GPC5: variants seen among roughly 807,000 people sequenced by gnomAD.
GPC5 encodes the protein glypican 5.
A neutral mutation model predicts 53.9 loss-of-function variants in GPC5; 47 were observed. That is an observed-to-expected ratio of 0.87 (90% CI 0.69 to 1.11). The LOEUF is 1.11. Ranked by LOEUF, GPC5 falls within the 50% of genes most tolerant of loss-of-function variation. The pLI is 0.00. For missense variants in GPC5, 748 were observed against 713.1 expected, an observed-to-expected ratio of 1.05 and a Z score of -0.56; for synonymous variants, 286 against 263.3, an observed-to-expected ratio of 1.09 and a Z score of -0.84.
chr13:91,721,125 CTTTCTTTCTTT>C (rs2036461747), intron 3 of GPC5, among the ~76,000 whole-genome samples: 5 of 55,388 alleles, frequency 9.0e-5, no homozygotes, highest in Non-Finnish European at 1.6e-4. Flanking sequence ...TTCTTTCTTT[CTTTCTTTCTTT>C]CTTTTTTTGG....
intron 2 of GPC5, among the ~76,000 whole-genome samples, chr13:91,691,487 T>C (rs1189859097): frequency 2.6e-5 from 4 of 152,144 alleles, no homozygotes; most frequent in Admixed American, 2.6e-4. Context: ...CATTCTTTCA[T>C]ATTTTTATTG....
chr13:92,118,142 T>G (rs1310015845), intron 6 of GPC5, among the ~76,000 whole-genome samples: 1 of 152,182 alleles, frequency 6.6e-6, no homozygotes, highest in Non-Finnish European at 1.5e-5. Flanking sequence ...CCTTCTTTTC[T>G]AATTTTGCTG....
chr13:92,324,854 C>T (rs375439502), intron 7 of GPC5, among the ~76,000 whole-genome samples: 3 of 151,756 alleles, frequency 2.0e-5, no homozygotes, highest in Non-Finnish European at 4.4e-5. Context: ...AGATGGACTT[C>T]GACCAAGATC....
intron 7 of GPC5, among the ~76,000 whole-genome samples, chr13:92,383,311 A>C (rs903732947): frequency 6.6e-6 from 1 of 152,212 alleles, no homozygotes; most frequent in African/African-American, 2.4e-5. Context: ...TAAAATGATT[A>C]TAGTACTTGT....
At chr13:92,480,920 C>A (rs762678055) in intron 7 of GPC5, among the ~76,000 whole-genome samples, 2 of 152,158 alleles carry the variant, frequency 1.3e-5, no homozygotes, top group Non-Finnish European at 2.9e-5. Context: ...AAAGACTCAC[C>A]TAGCGATTGC....
rs117837461 is a variant in GPC5, at chr13:92,831,112, G to A, written c.1562-35170G>A. Reference sequence around the variant, plus strand: ...GATTTTGTGTTAGCAAATAACACTCGGAAATGATCCCAGTGAGAAAATTAT... The same window carrying A: ...GATTTTGTGTTAGCAAATAACACTCAGAAATGATCCCAGTGAGAAAATTAT... On this transcript the variant is annotated intron_variant, in intron 7 of 7. Transcript: ENST00000377067. Among the ~76,000 whole-genome samples, 27 of 152,116 alleles carry A rather than the reference G, an allele frequency of 1.8e-4. 1 individual carries two copies. In the East Asian group the frequency reaches 5.0e-3, roughly 28 times the overall value.
chr13:92,741,743 T>C lies in GPC5; in HGVS notation c.1562-124539T>C, dbSNP rs1889101350. On this transcript the variant is annotated intron_variant, in intron 7 of 7. Transcript: ENST00000377067. ...TAATGCTATCCCTCCCCTCTCCCCC[T>C]ACACCACAGCAGGCCCCGGTGTGTG... Among the ~76,000 whole-genome samples, 6 of 152,078 alleles carry C rather than the reference T, an allele frequency of 3.9e-5. No homozygotes were observed. The South Asian group carries it at 1.0e-3, about 26-fold the overall frequency.
chr13:91,882,693 A>G (rs114496337), intron 5 of GPC5, among the ~76,000 whole-genome samples: 6 of 17,166 alleles, frequency 3.5e-4, no homozygotes, highest in Non-Finnish European at 7.7e-4. Context: ...TTTTTTTCGT[A>G]ATTTCAGTCT....
intron 7 of GPC5, among the ~76,000 whole-genome samples, chr13:92,607,133 A>T (rs557459978): frequency 1.3e-5 from 2 of 152,296 alleles, no homozygotes; most frequent in African/African-American, 4.8e-5. Context: ...ATGTATCTGG[A>T]TAATAATAGT....
intron 2 of GPC5, among the ~76,000 whole-genome samples, chr13:91,508,126 CT>C (rs1885043878): frequency 6.6e-6 from 1 of 151,978 alleles, no homozygotes; most frequent in Non-Finnish European, 1.5e-5. Flanking sequence ...ACCAAAATAC[CT>C]AATGTTTTCA....
intron 7 of GPC5, among the ~76,000 whole-genome samples, chr13:92,504,366 A>C (rs1880292819): frequency 6.6e-6 from 1 of 152,108 alleles, no homozygotes; most frequent in South Asian, 2.1e-4. Flanking sequence ...GAGAGTTATC[A>C]CATATTCATA....
At chr13:91,948,438 A>G (rs1368658181) in intron 6 of GPC5, among the ~76,000 whole-genome samples, 3 of 152,034 alleles carry the variant, frequency 2.0e-5, no homozygotes, top group African/African-American at 7.3e-5. Context: ...CTTTCTAGGC[A>G]CTGTTTTGGG....
intron 7 of GPC5, among the ~76,000 whole-genome samples, chr13:92,268,290 A>G (rs2042816124): frequency 6.6e-6 from 1 of 152,166 alleles, no homozygotes; most frequent in South Asian, 2.1e-4. Flanking sequence ...TTTCATTTTG[A>G]CATATATAAA....
At chr13:91,579,624 C>CTTTT (rs3055895) in intron 2 of GPC5, among the ~76,000 whole-genome samples, 259 of 102,470 alleles carry the variant, frequency 2.5e-3, no homozygotes, top group Non-Finnish European at 3.0e-3. Flanking sequence ...TTTTCTTTTT[C>CTTTT]TTTTTTTTTT....
chr13:91,587,538 C>A (rs1332464238), intron 2 of GPC5, among the ~76,000 whole-genome samples: 1 of 152,118 alleles, frequency 6.6e-6, no homozygotes, highest in Non-Finnish European at 1.5e-5. Flanking sequence ...CTCTTACTTC[C>A]TACATTTTGA....
chr13:92,269,898 C>T (rs1316895564), intron 7 of GPC5, among the ~76,000 whole-genome samples: 2 of 152,166 alleles, frequency 1.3e-5, no homozygotes, highest in African/African-American at 4.8e-5. Flanking sequence ...ATCAGCATTT[C>T]TCATTTATGT....
chr13:92,259,347 A>G (rs1274702229), intron 7 of GPC5, among the ~76,000 whole-genome samples: 1 of 152,158 alleles, frequency 6.6e-6, no homozygotes, highest in African/African-American at 2.4e-5. Context: ...AATATTTTGA[A>G]TAAGCAAGAT....
At chr13:91,720,512 T>A (rs1269334962) in intron 3 of GPC5, among the ~76,000 whole-genome samples, 6 of 152,088 alleles carry the variant, frequency 3.9e-5, no homozygotes, top group Admixed American at 2.0e-4. Context: ...CTTCCTTTGG[T>A]CTCCACATCT....
At chr13:92,623,834 T>G (rs969423034) in intron 7 of GPC5, among the ~76,000 whole-genome samples, 1 of 149,852 alleles carries the variant, frequency 6.7e-6, no homozygotes, top group African/African-American at 2.4e-5. Flanking sequence ...CCTTAGAAAG[T>G]CTACTGATAG....
Sources: gnomAD v4.1 joint callset for allele counts (sites outside exome capture counted in the v4.1 genomes callset) on GRCh38, gnomAD v4.1.1 for gene constraint, MANE v1.5 for transcripts, NCBI Gene and HGNC (gene_info 2026-07-23, HGNC 2026-07-21) for gene names.